Variants in TRIP12 observed in about 807,000 individuals in gnomAD.
TRIP12 encodes the protein E3 ubiquitin-protein ligase TRIP12.
A neutral mutation model predicts 244.2 loss-of-function variants in TRIP12; 25 were observed. The observed-to-expected ratio is 0.10, with a 90% CI of 0.07 to 0.14. The LOEUF (loss-of-function observed/expected upper bound fraction) is 0.14, where lower values mean the gene tolerates loss of function less well. Among genes scored for constraint, TRIP12 ranks in the 10% least tolerant of loss-of-function variants. TRIP12 has a pLI of 1.00. For missense variants in TRIP12, 1,677 were observed against 2,486.4 expected (o/e 0.67, Z 6.92); for synonymous variants, 905 against 873.1 (o/e 1.04, Z -0.64).
intron 30 of TRIP12, among the ~76,000 whole-genome samples, chr2:229,790,716 A>T (rs1463452457): frequency 3.3e-5 from 5 of 152,224 alleles, no homozygotes; most frequent in African/African-American, 9.6e-5. Context: ...TCATTACATT[A>T]CCTGGCATCA....
intron 2 of TRIP12, among the ~76,000 whole-genome samples, chr2:229,867,910 T>C (rs1192890845): frequency 6.6e-6 from 1 of 152,166 alleles, no homozygotes; most frequent in Non-Finnish European, 1.5e-5. Context: ...CCCCAAAAAA[T>C]TTAACACGGG....
chr2:229,892,672 C>A (rs1282253711), intron 1 of TRIP12, among the ~76,000 whole-genome samples: 2 of 152,050 alleles, frequency 1.3e-5, no homozygotes, highest in Non-Finnish European at 2.9e-5. Flanking sequence ...TTGAGACCAG[C>A]CTGGGCAGCA....
intron 31 of TRIP12, among the ~76,000 whole-genome samples, chr2:229,789,201 T>C (rs536981757): frequency 2.0e-5 from 3 of 152,352 alleles, no homozygotes; most frequent in South Asian, 4.1e-4. Context: ...CATTCAGTGA[T>C]GTTGCAGCTA....
chr2:229,912,433 A>G (rs891520748), intron 1 of TRIP12, among the ~76,000 whole-genome samples: 27 of 152,216 alleles, frequency 1.8e-4, no homozygotes, highest in African/African-American at 6.5e-4. Context: ...CTCCCATTTA[A>G]GAACTTCAAT....
At chr2:229,861,022 C>A (rs1037543502) in intron 2 of TRIP12, among the ~76,000 whole-genome samples, 1 of 152,084 alleles carries the variant, frequency 6.6e-6, no homozygotes, top group South Asian at 2.1e-4. Context: ...CAGAGACAGA[C>A]GAACCAATTC....
intron 1 of TRIP12, among the ~76,000 whole-genome samples, chr2:229,884,236 C>CTTTT (rs200052292): frequency 2.4e-5 from 3 of 123,582 alleles, no homozygotes; most frequent in African/African-American, 6.1e-5. Context: ...TTTTTCTTTT[C>CTTTT]TTTTTTTTTT....
Position 229,791,184 on chromosome 2 carries a change from G to C in TRIP12, c.4483C>G (p.Gln1495Glu), listed in dbSNP as rs761063294. The change falls in exon 30 of 42, where the codon CAA becomes GAA. Residue 1495 changes from glutamine (Q) to glutamate (E), a missense_variant. Around this residue, in one of 11 missense-constraint regions of TRIP12, gnomAD observed 265 missense variants for 370.8 expected, o/e 0.71. Transcript: ENST00000675903. ...GGGGAAGTTTTCGTTGGAGCTGTTT[G>C]GGCTCTTCCTCTTTTACCACCAACA... The part of the protein sequence containing the change: ...DCVGGKRGRA[Q>E]TAPTKTSPRN... 2 of 1,614,014 alleles carry C rather than the reference G, an allele frequency of 1.2e-6. No homozygotes were observed. Among genetic ancestry groups the C allele is most frequent in the Admixed American group, 3.3e-5 (2 of 60,012 alleles).
In TRIP12 at chr2:229,830,803, G is replaced by A. The variant is rs1178344021; in HGVS notation, c.1307C>T (p.Thr436Ile). The A allele has an allele frequency of 1.9e-6, 3 of 1,614,136 alleles. No homozygotes were observed. Among genetic ancestry groups the A allele is most frequent in the South Asian group, 1.1e-5 (1 of 91,076 alleles). ...ATCATCTGATTCACTCTCCCCAGAG[G>A]TGGTCATGCCAACAGCCCCTGCAAC... is the stretch of plus-strand genomic sequence containing the variant. ...SSVAGAVGMT[T>I]SGESESDDSE... is the part of the protein sequence containing the mutation. Residue 436 changes from threonine to isoleucine, a missense_variant, in exon 7 of 42, where the codon ACC (threonine) becomes ATC (isoleucine). Thr to Ile is a moderately conservative substitution (Grantham distance 89, BLOSUM62 -1). This residue lies in a region of TRIP12 where 143 missense variants were observed against 215.6 expected (regional missense o/e 0.66). Transcript: ENST00000675903.
At chr2:229,835,040 C>T (rs1312419274) in intron 6 of TRIP12, among the ~76,000 whole-genome samples, 8 of 152,140 alleles carry the variant, frequency 5.3e-5, no homozygotes, top group Admixed American at 5.2e-4. Flanking sequence ...TTCTACATTC[C>T]CATTTTACAC....
At chr2:229,912,586 G>A (rs976780978) in intron 1 of TRIP12, among the ~76,000 whole-genome samples, 2 of 152,114 alleles carry the variant, frequency 1.3e-5, no homozygotes, top group Non-Finnish European at 2.9e-5. Flanking sequence ...ATCAGGGCCA[G>A]TTTAAGCCCC....
intron 1 of TRIP12, among the ~76,000 whole-genome samples, chr2:229,896,997 CACTG>C (rs1293986455): frequency 6.6e-6 from 1 of 152,096 alleles, no homozygotes; most frequent in East Asian, 1.9e-4. Context: ...AATGTAGGTT[CACTG>C]ACTGTAACAA....
intron 12 of TRIP12, 59 bp downstream of exon 12, chr2:229,814,174 G>A: frequency 1.3e-6 from 2 of 1,586,024 alleles, no homozygotes; most frequent in Non-Finnish European, 1.7e-6. Flanking sequence ...CTGTACAAAT[G>A]TGGATTTTAA....
intron 2 of TRIP12, among the ~76,000 whole-genome samples, chr2:229,876,701 C>T (rs1025976580): frequency 6.6e-6 from 1 of 152,166 alleles, no homozygotes; most frequent in Admixed American, 6.5e-5. Context: ...TCTCTGTCGC[C>T]CAGGCTGGAA....
rs2049050257 is a variant in TRIP12, at chr2:229,818,465, T to C, written c.1498A>G (p.Ser500Gly). The part of the protein sequence containing the change: ...LLQGLQASDE[S>G]QQLQAVIEMC... ...TCAATAACTGCCTGAAGCTGTTGAC[T>C]TTCATCACTGGCTTGCAATCCTTGT... The change falls in exon 9 of 42, where the codon AGT (serine) becomes GGT (glycine). Residue 500 changes from serine to glycine, a missense_variant. By Grantham distance (56) the Ser-to-Gly change is moderately conservative (BLOSUM62 0). Coordinates refer to ENST00000675903, the MANE Select transcript of TRIP12 (RefSeq NM_001348323.3). The C allele has an allele frequency of 6.2e-7, 1 of 1,614,024 alleles. No homozygotes were observed. The highest frequency in any genetic ancestry group is 2.2e-5 in the East Asian group (1 of 44,888).
chr2:229,899,343 AG>A (rs2069907717), intron 1 of TRIP12, among the ~76,000 whole-genome samples: 1 of 152,236 alleles, frequency 6.6e-6, no homozygotes, highest in African/African-American at 2.4e-5. Context: ...CCAAAGTGTT[AG>A]AACAGTTAAG....
intron 34 of TRIP12, among the ~76,000 whole-genome samples, chr2:229,783,749 A>C (rs890022989): frequency 6.6e-6 from 1 of 151,808 alleles, no homozygotes; most frequent in Non-Finnish European, 1.5e-5. Flanking sequence ...TTTTGTAGAC[A>C]CTGGCAGGCT....
chr2:229,829,983 G>A (rs374228067), intron 7 of TRIP12, among the ~76,000 whole-genome samples: 2 of 152,092 alleles, frequency 1.3e-5, no homozygotes, highest in East Asian at 3.9e-4. Flanking sequence ...ATGTGTTCCT[G>A]AGAGTCCGAG....
chr2:229,818,260 C>A, intron 9 of TRIP12, 104 bp downstream of exon 9: 1 of 1,263,078 alleles, frequency 7.9e-7, no homozygotes, highest in Non-Finnish European at 1.1e-6. Context: ...TTAACTCTAT[C>A]ATGTTTTAAA....
intron 2 of TRIP12, among the ~76,000 whole-genome samples, chr2:229,869,373 C>T (rs1045360983): frequency 3.3e-5 from 5 of 152,120 alleles, no homozygotes; most frequent in African/African-American, 7.2e-5. Flanking sequence ...CACGCAACTT[C>T]GAAATAAAAC....
Sources: allele counts gnomAD v4.1 joint callset (sites outside exome capture counted in the v4.1 genomes callset), GRCh38; gene constraint gnomAD v4.1.1; regional missense constraint gnomAD v4.1.1; transcripts MANE v1.5; gene names NCBI Gene and HGNC (gene_info 2026-07-23, HGNC 2026-07-21).